The following DOCK3 variants were observed in gnomAD, a reference collection of about 807,000 sequenced individuals.
DOCK3 encodes the protein dedicator of cytokinesis 3, also known as dedicator of cytokinesis protein 3.
Under a neutral mutation model 265.6 loss-of-function variants are expected in DOCK3, and 60 were observed. That is an observed-to-expected ratio of 0.23 (90% CI 0.18 to 0.28). The LOEUF (loss-of-function observed/expected upper bound fraction) is 0.28, where lower values mean the gene tolerates loss of function less well. Among genes scored for constraint, DOCK3 ranks in the 10% least tolerant of loss-of-function variants. The probability of loss-of-function intolerance (pLI) is 1.00; values close to 1 mark genes in which losing one functional copy is unlikely to be tolerated. For synonymous variants in DOCK3, 881 were observed against 938.0 expected, an observed-to-expected ratio of 0.94 and a Z score of 1.11; for missense variants, 1,981 against 2,594.3, an observed-to-expected ratio of 0.76 and a Z score of 5.14.
chr3:50,938,248 T>G (rs1014509894), intron 5 of DOCK3, among the ~76,000 whole-genome samples: 1 of 152,046 alleles, frequency 6.6e-6, no homozygotes. Context: ...ATAATCTTAA[T>G]CTAACAGAGG....
chr3:50,804,793 C>A (rs1265443123), intron 2 of DOCK3, among the ~76,000 whole-genome samples: 1 of 152,062 alleles, frequency 6.6e-6, no homozygotes, highest in Admixed American at 6.5e-5. Context: ...GAAATTCTTT[C>A]TTCTGCTTAG....
rs1366227800 is a variant in DOCK3 at position 51,049,823 on chromosome 3, ACACACC to A, written c.316-14623_316-14618del. On this transcript the variant is annotated intron_variant, in intron 5 of 52. Transcript: ENST00000266037. ...CACACACACACACACACACACACAC[ACACACC>A]CCAAAAAAACACTGTTAGAACTAAT... Among the ~76,000 whole-genome samples, 56 of 119,866 alleles carry A rather than the reference ACACACC, an allele frequency of 4.7e-4. 1 individual carries two copies. In the South Asian group the frequency reaches 0.015, roughly 32 times the overall value. The allele number at this position is 119,866 out of a possible 152,430, so 78.6% of individuals were successfully genotyped here.
intron 9 of DOCK3, among the ~76,000 whole-genome samples, chr3:51,126,252 A>C (rs1236820463): frequency 6.6e-6 from 1 of 152,230 alleles, no homozygotes; most frequent in East Asian, 1.9e-4. Context: ...ACTCTTGGGA[A>C]GTCGCAAAGG....
chr3:50,692,636 A>G (rs1291700060), intron 1 of DOCK3, among the ~76,000 whole-genome samples: 1 of 152,162 alleles, frequency 6.6e-6, no homozygotes, highest in Non-Finnish European at 1.5e-5. Flanking sequence ...TTAATTTCTT[A>G]TCAGATATAT....
intron 13 of DOCK3, among the ~76,000 whole-genome samples, chr3:51,209,866 G>C (rs184945576): frequency 2.6e-5 from 4 of 152,320 alleles, no homozygotes; most frequent in Non-Finnish European, 5.9e-5. Context: ...GTGGGGTTTT[G>C]GGGGATATCT....
chr3:50,862,501 T>C (rs1458454856), intron 3 of DOCK3, among the ~76,000 whole-genome samples: 2 of 150,410 alleles, frequency 1.3e-5, no homozygotes, highest in African/African-American at 4.8e-5. Flanking sequence ...GTGATCCTGT[T>C]GGAGTGTGCT....
intron 3 of DOCK3, among the ~76,000 whole-genome samples, chr3:50,851,246 C>T (rs2085583): frequency 0.02 from 3,045 of 152,044 alleles, 52 homozygotes; most frequent in Non-Finnish European, 0.03. Flanking sequence ...AGGGAAGGGC[C>T]CCTTTGCACC....
chr3:50,811,462 A>G (rs892663671), intron 2 of DOCK3, among the ~76,000 whole-genome samples: 1 of 152,066 alleles, frequency 6.6e-6, no homozygotes, highest in Non-Finnish European at 1.5e-5. Flanking sequence ...GAAAAGAAAG[A>G]AAAAGAGTCA....
intron 33 of DOCK3, among the ~76,000 whole-genome samples, chr3:51,332,262 G>A (rs1437354416): frequency 6.6e-6 from 1 of 152,206 alleles, no homozygotes; most frequent in Non-Finnish European, 1.5e-5. Flanking sequence ...ACTGGAACAA[G>A]CAGAAAGAGT....
At chr3:50,799,568 A>C (rs570827620) in intron 2 of DOCK3, among the ~76,000 whole-genome samples, 1 of 152,236 alleles carries the variant, frequency 6.6e-6, no homozygotes, top group African/African-American at 2.4e-5. Context: ...ATATCATGCA[A>C]GTTTACTGAA....
chr3:51,154,302 G>A (rs928979558), intron 10 of DOCK3, among the ~76,000 whole-genome samples: 1 of 152,184 alleles, frequency 6.6e-6, no homozygotes, highest in Non-Finnish European at 1.5e-5. Context: ...TTTGAGCTTA[G>A]CAGTAAAGGC....
At chr3:51,196,912 G>A (rs558519688) in intron 12 of DOCK3, among the ~76,000 whole-genome samples, 6 of 152,210 alleles carry the variant, frequency 3.9e-5, no homozygotes, top group Non-Finnish European at 7.3e-5. Flanking sequence ...TCCTTTGGAA[G>A]TGTCATATTT....
At chr3:51,066,854 A>C (rs1007561964) in intron 6 of DOCK3, among the ~76,000 whole-genome samples, 1 of 152,178 alleles carries the variant, frequency 6.6e-6, no homozygotes, top group African/African-American at 2.4e-5. Context: ...ACACCCTATC[A>C]TGACTGTTAG....
intron 1 of DOCK3, among the ~76,000 whole-genome samples, chr3:50,697,804 T>A (rs2035729981): frequency 6.6e-6 from 1 of 152,200 alleles, no homozygotes; most frequent in African/African-American, 2.4e-5. Context: ...TCTGTGATGG[T>A]TTCCTGTGAC....
intron 14 of DOCK3, among the ~76,000 whole-genome samples, chr3:51,220,461 A>C (rs187696109): frequency 1.4e-4 from 22 of 152,078 alleles, no homozygotes; most frequent in Admixed American, 1.3e-3. Context: ...GTTCCAGACC[A>C]GCCTGGCCAA....
chr3:51,016,853 C>CATATATAAATATATATATGTTTAT (rs2079343403), intron 5 of DOCK3, among the ~76,000 whole-genome samples: 1 of 1,838 alleles, frequency 5.4e-4, no homozygotes. Context: ...TTATATATAT[C>CATATATAAATATATATATGTTTAT]ATATATAAAT....
chr3:50,900,615 T>C (rs1384640883), intron 4 of DOCK3: 1 of 410,612 alleles, frequency 2.4e-6, no homozygotes, highest in Non-Finnish European at 4.7e-6. Context: ...CGTGGATTTA[T>C]CTACCTTTGG....
chr3:51,088,600 G>T (rs529843135), intron 7 of DOCK3, among the ~76,000 whole-genome samples: 110 of 152,244 alleles, frequency 7.2e-4, no homozygotes, highest in African/African-American at 2.6e-3. Context: ...TCTCACTTCT[G>T]CACTTAGGTC....
intron 5 of DOCK3, among the ~76,000 whole-genome samples, chr3:51,014,403 C>T (rs907711665): frequency 1.3e-5 from 2 of 152,144 alleles, no homozygotes; most frequent in Non-Finnish European, 2.9e-5. Flanking sequence ...TCCCTCGACA[C>T]TTATACCCAT....
Sources: allele counts gnomAD v4.1 joint callset (sites outside exome capture counted in the v4.1 genomes callset), GRCh38; gene constraint gnomAD v4.1.1; transcripts MANE v1.5; gene names NCBI Gene and HGNC (gene_info 2026-07-23, HGNC 2026-07-21).